PLA2G2D: variants seen among roughly 807,000 people sequenced by gnomAD.
PLA2G2D encodes the protein phospholipase A2 group IID.
In PLA2G2D, 17 loss-of-function variants were observed where a neutral mutation model predicts 13.9. The ratio of observed to expected loss-of-function variants is 1.23; its 90% CI spans 0.84 to 1.84. The LOEUF is 1.84. Ranked by LOEUF, PLA2G2D falls within the 40% of genes most tolerant of loss-of-function variation. PLA2G2D has a pLI of 0.00. For synonymous variants in PLA2G2D, 83 were observed against 69.3 expected (o/e 1.20, Z -0.98); for missense variants, 194 against 178.7 (o/e 1.09, Z -0.49).
At chr1:20,116,272 G>A in intron 2 of PLA2G2D, 61 bp downstream of exon 2, 2 of 1,520,370 alleles carry the variant, frequency 1.3e-6, no homozygotes, top group Non-Finnish European at 1.8e-6. Flanking sequence ...TGGGTGGAGA[G>A]AAAAGAAGAG....
Position 20,116,477 on chromosome 1 carries a change from C to A in PLA2G2D, c.41G>T (p.Gly14Val), listed in dbSNP as rs780841569. The A allele has an allele frequency of 6.2e-7, 1 of 1,614,154 alleles. No homozygotes were observed. Among genetic ancestry groups the A allele is most frequent in the Non-Finnish European group, 8.5e-7 (1 of 1,180,020 alleles). Residue 14 changes from glycine to valine, a missense_variant and splice_region_variant, in exon 2 of 4, where the codon GGT (glycine) becomes GTT (valine). By Grantham distance (109) the Gly-to-Val change is moderately radical. Transcript: ENST00000375105. Reference protein sequence around the residue: ...ALLCGLVVMAGVIPIQGGILN... With the variant: ...ALLCGLVVMAVVIPIQGGILN... ...GATCCCGCCCTGGATTGGAATCACA[C>A]CTGCCAAGCAGCCCAGCAACCAGGA...
At chr1:20,116,550 C>T in intron 1 of PLA2G2D, 73 bp from the exon 2 acceptor site, 1 of 1,419,602 alleles carries the variant, frequency 7.0e-7, no homozygotes, top group Non-Finnish European at 9.9e-7. Flanking sequence ...CACAGGACGG[C>T]ACCTCTGCTC....
chr1:20,115,402 G>A (rs1286952602), intron 3 of PLA2G2D, 105 bp downstream of exon 3: 4 of 741,976 alleles, frequency 5.4e-6, no homozygotes, highest in African/African-American at 3.5e-5. Flanking sequence ...GTGGACCCAT[G>A]CAAAAAAAAA....
chr1:20,118,996 T>G (rs1347934488), intron 1 of PLA2G2D, among the ~76,000 whole-genome samples: 1 of 152,210 alleles, frequency 6.6e-6, no homozygotes, highest in African/African-American at 2.4e-5. Flanking sequence ...TTTGGTCTGC[T>G]TAAGATCAAA....
chr1:20,116,721 T>G (rs2016998075), intron 1 of PLA2G2D, among the ~76,000 whole-genome samples: 1 of 152,076 alleles, frequency 6.6e-6, no homozygotes. Context: ...TGGAATGCAG[T>G]GGCATGATCT....
chr1:20,119,348 G>A (rs1204776226), intron 1 of PLA2G2D, 111 bp downstream of exon 1: 2 of 963,154 alleles, frequency 2.1e-6, no homozygotes, highest in Non-Finnish European at 3.4e-6. Context: ...GGGGAGTGGG[G>A]GCCAGGCTCC....
rs753708750 is a variant in PLA2G2D, at chr1:20,114,206, C to T, written c.346G>A (p.Ala116Thr). Reference sequence around the variant, plus strand: ...TCCAGGTTGCGCTTCAGGCAGAAGGCCACCTCCTTGTCACAGGCACACAGC... The same window carrying T: ...TCCAGGTTGCGCTTCAGGCAGAAGGTCACCTCCTTGTCACAGGCACACAGC... ...QQLCACDKEV[A>T]FCLKRNLDTY... The change falls in exon 4 of 4, where the codon GCC becomes ACC. Residue 116 changes from alanine (A) to threonine (T), a missense_variant. By Grantham distance (58) the Ala-to-Thr change is moderately conservative. Transcript: ENST00000375105. 32 of 1,613,950 alleles carry T rather than the reference C, an allele frequency of 2.0e-5. No individual in the cohort carries two copies. The East Asian group carries it at 6.7e-4, about 34-fold the overall frequency.
At chr1:20,116,263 G>A in intron 2 of PLA2G2D, 70 bp downstream of exon 2, 1 of 1,433,838 alleles carries the variant, frequency 7.0e-7, no homozygotes. Flanking sequence ...ATGAACAGGT[G>A]GGTGGAGAGA....
intron 2 of PLA2G2D, 141 bp from the exon 3 acceptor site, chr1:20,115,754 T>C (rs1454927275): frequency 3.1e-6 from 2 of 654,526 alleles, no homozygotes; most frequent in Non-Finnish European, 5.5e-6. Context: ...AGGATCATGA[T>C]GACTAACATT....
At chr1:20,115,149 G>T (rs1383250282) in intron 3 of PLA2G2D, among the ~76,000 whole-genome samples, 1 of 152,174 alleles carries the variant, frequency 6.6e-6, no homozygotes, top group Non-Finnish European at 1.5e-5. Flanking sequence ...CAGTAGCTCT[G>T]TGTAATTTAT....
At chr1:20,115,861 C>T (rs558797034) in intron 2 of PLA2G2D, among the ~76,000 whole-genome samples, 1 of 152,340 alleles carries the variant, frequency 6.6e-6, no homozygotes, top group Admixed American at 6.5e-5. Context: ...ATATTATCCG[C>T]TCTTCAGAGA....
chr1:20,114,174 G>C lies in PLA2G2D; in HGVS notation c.378C>G (p.Tyr126Ter). ...GCCAGTAGAAACGCAGTCGCTTCTG[G>C]TAGGTGTCCAGGTTGCGCTTCAGGC... ...AFCLKRNLDT[Y>*]QKRLRFYWRP... The change falls in exon 4 of 4, where the codon TAC becomes TAG. Residue 126 changes from tyrosine (Y) to a stop codon, truncating the protein, a stop_gained. Transcript: ENST00000375105. LOFTEE classifies it low-confidence loss of function (END_TRUNC). 1 of 1,614,040 alleles carries C rather than the reference G, an allele frequency of 6.2e-7. No homozygotes were observed. The highest frequency in any genetic ancestry group is 8.5e-7 in the Non-Finnish European group (1 of 1,179,978).
Position 20,112,048 on chromosome 1 carries a change from C to A in PLA2G2D, c.*2066G>T, listed in dbSNP as rs2016896243. On this transcript the variant is annotated 3_prime_UTR_variant, in exon 4 of 4. Transcript: ENST00000375105. ...GTGTCGCGATCTGGGCTCACTGAAACCTCTGCCTCCCAGGTCCAAGTGATT... is the reference window on the plus strand; with the variant it reads ...GTGTCGCGATCTGGGCTCACTGAAAACTCTGCCTCCCAGGTCCAAGTGATT... The A allele has an allele frequency of 6.6e-6, 1 of 151,436 alleles. No individual in the cohort carries two copies. The allele number at this position is 151,436 out of a possible 1,614,324, so 9.4% of individuals were successfully genotyped here.
intron 2 of PLA2G2D, among the ~76,000 whole-genome samples, chr1:20,115,990 C>T (rs893753817): frequency 6.6e-6 from 1 of 152,086 alleles, no homozygotes; most frequent in African/African-American, 2.4e-5. Flanking sequence ...CTAGCTGACT[C>T]CCAGGGTTGT....
Position 20,112,600 on chromosome 1 carries a change from A to C in PLA2G2D, c.*1514T>G, listed in dbSNP as rs1031509363. On this transcript the variant is annotated 3_prime_UTR_variant, in exon 4 of 4. Coordinates refer to ENST00000375105, the MANE Select transcript of PLA2G2D (RefSeq NM_012400.4). ...CAGATTGGGAGTCCTCATAGGAAAA[A>C]GTTGTCCCTCTTCAGTCTCTTTCCT... is the stretch of plus-strand genomic sequence containing the variant. 1 of 152,184 alleles carries C rather than the reference A, an allele frequency of 6.6e-6. No homozygotes were observed. Among genetic ancestry groups the C allele is most frequent in the African/African-American group, 2.4e-5 (1 of 41,450 alleles). The allele number at this position is 152,184 out of a possible 1,614,324, so 9.4% of individuals were successfully genotyped here.
intron 3 of PLA2G2D, among the ~76,000 whole-genome samples, chr1:20,115,000 C>A (rs892016728): frequency 3.3e-5 from 5 of 152,128 alleles, no homozygotes; most frequent in Non-Finnish European, 7.3e-5. Context: ...TGGGTTCCAG[C>A]CCAGGCTCTG....
chr1:20,117,152 G>A lies in PLA2G2D; in HGVS notation c.41-675C>T, dbSNP rs62541863. ...TACCCCTCAGCCAATTTCCTCAAATGTTATCATCTTACTTGTGATTCATTT... is the reference window on the plus strand; with the variant it reads ...TACCCCTCAGCCAATTTCCTCAAATATTATCATCTTACTTGTGATTCATTT... On this transcript the variant is annotated intron_variant, in intron 1 of 3. Coordinates refer to ENST00000375105, the MANE Select transcript of PLA2G2D (RefSeq NM_012400.4). Among the ~76,000 whole-genome samples, 1,230 of 152,258 alleles carry A rather than the reference G, an allele frequency of 8.1e-3. 14 individuals are homozygous for A. The highest frequency in any genetic ancestry group is 0.028 in the African/African-American group (1,179 of 41,536).
Position 20,113,912 on chromosome 1 carries a change from C to A in PLA2G2D, c.*202G>T. ...TTGGGCTTCTCCCAAGATTCCCATC[C>A]ACCCTCAGAGGACACAGCTACTGCC... On this transcript the variant is annotated 3_prime_UTR_variant, in exon 4 of 4. Transcript: ENST00000375105. 2.0e-6 allele frequency: 1 copy of A among 490,072 alleles called. No individual in the cohort carries two copies. Among genetic ancestry groups the A allele is most frequent in the East Asian group, 3.3e-5 (1 of 29,998 alleles). 30.4% of individuals were successfully genotyped at this position (490,072 alleles called of 1,614,324 possible). A position where few individuals can be genotyped will look rare whatever the true frequency, so the allele number is the denominator to read the frequency against.
intron 3 of PLA2G2D, among the ~76,000 whole-genome samples, chr1:20,115,034 C>T (rs1368038726): frequency 6.6e-6 from 1 of 152,244 alleles, no homozygotes; most frequent in East Asian, 1.9e-4. Flanking sequence ...GACACTTCCC[C>T]ACTCTAGTTT....
Sources: allele counts gnomAD v4.1 joint callset (sites outside exome capture counted in the v4.1 genomes callset), GRCh38; gene constraint gnomAD v4.1.1; transcripts MANE v1.5; gene names NCBI Gene and HGNC (gene_info 2026-07-23, HGNC 2026-07-21).